The following B4GALT1 variants were observed in gnomAD, a reference collection of about 807,000 sequenced individuals.
The protein encoded by B4GALT1 is beta-1,4-galactosyltransferase 1, also known as N-acetyllactosamine synthase.
B4GALT1 carries 16 observed loss-of-function variants against 34.9 expected under a neutral mutation model. The ratio of observed to expected loss-of-function variants is 0.46; its 90% confidence interval spans 0.31 to 0.70. The LOEUF is 0.70. B4GALT1 is among the 30% of genes least tolerant of loss of function. B4GALT1 has a pLI of 0.05. For synonymous variants in B4GALT1, 221 were observed against 218.1 expected (o/e 1.01, Z -0.12); for missense variants, 445 against 530.5 (o/e 0.84, Z 1.58).
chr9:33,123,457 C>T (rs1017285478), intron 2 of B4GALT1, among the ~76,000 whole-genome samples: 6 of 152,040 alleles, frequency 3.9e-5, no homozygotes, highest in African/African-American at 1.2e-4. Context: ...TGTAACAACC[C>T]TCACCCCAGC....
intron 2 of B4GALT1, among the ~76,000 whole-genome samples, chr9:33,125,977 A>G (rs900496234): frequency 5.3e-5 from 8 of 152,154 alleles, no homozygotes; most frequent in Admixed American, 3.3e-4. Flanking sequence ...GGAACCATTA[A>G]CCCAAAGCCA....
At chr9:33,175,031 G>A in the B4GALT1 span, among the ~76,000 whole-genome samples, 2 of 63,888 alleles carry the variant, frequency 3.1e-5, no homozygotes, top group Non-Finnish European at 6.0e-5. Context: ...AAAATTGGAG[G>A]CCTAGTGTGG....
intron 1 of B4GALT1, among the ~76,000 whole-genome samples, chr9:33,137,275 T>C (rs1284561477): frequency 6.6e-6 from 1 of 152,202 alleles, no homozygotes; most frequent in Admixed American, 6.5e-5. Context: ...AGAAATGCCC[T>C]TCCCACTCTC....
In B4GALT1 at chr9:33,135,316, G is replaced by C. The variant is rs1840251936; in HGVS notation, c.521C>G (p.Ser174Cys). The C allele has an allele frequency of 6.2e-7, 1 of 1,614,216 alleles. No individual in the cohort carries two copies. The highest frequency in any genetic ancestry group is 8.5e-7 in the Non-Finnish European group (1 of 1,180,034). ...GGRYAPRDCV[S>C]PHKVAIIIPF... ...AATGATGATGGCCACCTTGTGAGGAGAGACGCAGTCCCTGGGGGCATAGCG... is the reference window on the plus strand; with the variant it reads ...AATGATGATGGCCACCTTGTGAGGACAGACGCAGTCCCTGGGGGCATAGCG... Residue 174 changes from serine (S) to cysteine (C), a missense_variant, in exon 2 of 6, where the codon TCT (serine) becomes TGT (cysteine). Around this residue, in one of 3 missense-constraint regions of B4GALT1, gnomAD observed 349 missense variants for 395.5 expected, o/e 0.88. Coordinates refer to ENST00000379731, the MANE Select transcript of B4GALT1 (RefSeq NM_001497.4).
rs1316849462 is a variant in B4GALT1, at chr9:33,111,583, T to C, written c.*1871A>G. On this transcript the variant is annotated 3_prime_UTR_variant, in exon 6 of 6. Transcript: ENST00000379731. ...TTCTGGAAAAAGAACCAAGTTAGCA[T>C]CTGAGATGCGCAAAGCAGTAAAGGC... is the stretch of plus-strand genomic sequence containing the variant. The C allele has an allele frequency of 6.6e-6, 1 of 152,632 alleles. No individual in the cohort carries two copies. The highest frequency in any genetic ancestry group is 2.4e-5 in the African/African-American group (1 of 41,446). 9.5% of individuals were successfully genotyped at this position (152,632 alleles called of 1,614,324 possible). A position where few individuals can be genotyped will look rare whatever the true frequency, so the allele number is the denominator to read the frequency against.
intron 1 of B4GALT1, 134 bp from the exon 2 acceptor site, chr9:33,135,558 A>G: frequency 1.2e-6 from 1 of 845,364 alleles, no homozygotes; most frequent in East Asian, 2.6e-5. Context: ...GTGGCCACGG[A>G]GAGGGCCCTC....
At chr9:33,162,970 C>T (rs1254225369) in intron 1 of B4GALT1, among the ~76,000 whole-genome samples, 2 of 151,962 alleles carry the variant, frequency 1.3e-5, no homozygotes, top group Non-Finnish European at 2.9e-5. Context: ...CATTATTTTC[C>T]ACGAAAAAAA....
chr9:33,120,263 T>C lies in B4GALT1; in HGVS notation c.836+156A>G, dbSNP rs36007663. Among the ~76,000 whole-genome samples the C allele has an allele frequency of 0.12, 17,734 of 152,116 alleles. 1,203 individuals are homozygous for C. Among genetic ancestry groups the C allele is most frequent in the African/African-American group, 0.17 (7,173 of 41,460 alleles). On this transcript the variant is annotated intron_variant, in intron 3 of 5. Coordinates refer to ENST00000379731, the MANE Select transcript of B4GALT1 (RefSeq NM_001497.4). ...AGAGACTACAGGCATTTCTGGTCTCTTCTTTCCATCTCAACTAATACAAAG... is the reference window on the plus strand; with the variant it reads ...AGAGACTACAGGCATTTCTGGTCTCCTCTTTCCATCTCAACTAATACAAAG...
At position 33,138,695 on chromosome 9, in the gene B4GALT1, A is replaced by C. The variant is rs142111860; in HGVS notation, c.413-3271T>G. On this transcript the variant is annotated intron_variant, in intron 1 of 5. Coordinates refer to ENST00000379731, the MANE Select transcript of B4GALT1 (RefSeq NM_001497.4). Reference sequence around the variant, plus strand: ...TGGTTTAAGCACATGACAGTTCCCAAACCTCTGTTTCCATCTCATGTCTCT... The same window carrying C: ...TGGTTTAAGCACATGACAGTTCCCACACCTCTGTTTCCATCTCATGTCTCT... Among the ~76,000 whole-genome samples, 305 of 152,112 alleles carry C rather than the reference A, an allele frequency of 2.0e-3. 1 individual carries two copies. The highest frequency in any genetic ancestry group is 3.4e-3 in the Middle Eastern group (1 of 294).
At chr9:33,181,060 A>G in the B4GALT1 span, among the ~76,000 whole-genome samples, 1 of 152,180 alleles carries the variant, frequency 6.6e-6, no homozygotes, top group East Asian at 1.9e-4. Context: ...ACCTGTTAAA[A>G]AAAGAAATGT....
At chr9:33,115,679 A>G (rs1229476108) in intron 4 of B4GALT1, among the ~76,000 whole-genome samples, 1 of 152,238 alleles carries the variant, frequency 6.6e-6, no homozygotes, top group Admixed American at 6.5e-5. Flanking sequence ...TAATGAAAGG[A>G]GGGATTTTTA....
chr9:33,141,461 G>A (rs1840348303), intron 1 of B4GALT1, among the ~76,000 whole-genome samples: 1 of 152,186 alleles, frequency 6.6e-6, no homozygotes, highest in African/African-American at 2.4e-5. Context: ...AGGTTGCAGT[G>A]AGCCGAAATC....
chr9:33,134,197 C>T (rs2118149523), intron 2 of B4GALT1, among the ~76,000 whole-genome samples: 1 of 152,316 alleles, frequency 6.6e-6, no homozygotes, highest in African/African-American at 2.4e-5. Flanking sequence ...AGTGCTTCCC[C>T]TGGGGTCATA....
intron 1 of B4GALT1, among the ~76,000 whole-genome samples, chr9:33,155,406 C>T (rs779596257): frequency 1.3e-5 from 2 of 152,220 alleles, no homozygotes; most frequent in Non-Finnish European, 2.9e-5. Context: ...TACTTTCTCA[C>T]CTAAGACTCA....
At position 33,122,696 on chromosome 9, in the gene B4GALT1, G is replaced by A. The variant is rs146713884; in HGVS notation, c.649-2090C>T. 7.2e-5 allele frequency among the ~76,000 whole-genome samples: 11 copies of A among 152,188 alleles called. No individual in the cohort carries two copies. The East Asian group carries it at 2.1e-3, about 29-fold the overall frequency. On this transcript the variant is annotated intron_variant, in intron 2 of 5. Transcript: ENST00000379731. Reference sequence around the variant, plus strand: ...AATCAAGGAAACATTTTACACACAAGAGCTCCTTTTTTAAAGCCTCTGACA... The same window carrying A: ...AATCAAGGAAACATTTTACACACAAAAGCTCCTTTTTTAAAGCCTCTGACA...
chr9:33,152,088 TGA>T (rs1443115771), intron 1 of B4GALT1, among the ~76,000 whole-genome samples: 1 of 151,850 alleles, frequency 6.6e-6, no homozygotes, highest in Non-Finnish European at 1.5e-5. Context: ...GAGGATCATT[TGA>T]GATCAGGAGT....
intron 2 of B4GALT1, among the ~76,000 whole-genome samples, chr9:33,130,124 A>C (rs1840172751): frequency 6.6e-6 from 1 of 152,160 alleles, no homozygotes; most frequent in African/African-American, 2.4e-5. Context: ...CTGTGGGGCA[A>C]AGGGCTGCCA....
intron 2 of B4GALT1, chr9:33,104,829 T>C (rs1335271152): frequency 4.5e-6 from 2 of 444,910 alleles, no homozygotes; most frequent in Non-Finnish European, 8.9e-6. Context: ...TACCTTTTTT[T>C]TTTTTTTTGA....
At chr9:33,166,648 G>C (rs981551785) in intron 1 of B4GALT1, 110 bp downstream of exon 1, 1 of 1,228,764 alleles carries the variant, frequency 8.1e-7, no homozygotes, top group African/African-American at 1.5e-5. Flanking sequence ...ATCCAGAAGA[G>C]GGAGGCTGGC....
Sources: allele counts gnomAD v4.1 joint callset (sites outside exome capture counted in the v4.1 genomes callset), GRCh38; gene constraint gnomAD v4.1.1; regional missense constraint gnomAD v4.1.1; transcripts MANE v1.5; gene names NCBI Gene and HGNC (gene_info 2026-07-23, HGNC 2026-07-21).